CLIC5: variants seen among roughly 807,000 people sequenced by gnomAD.
CLIC5 encodes chloride intracellular channel protein 5.
In CLIC5, 20 loss-of-function variants were observed where a neutral mutation model predicts 24.7. That is an observed-to-expected ratio of 0.81 (90% confidence interval 0.57 to 1.18). CLIC5 has a LOEUF of 1.18. Among genes scored for constraint, CLIC5 ranks in the 50% most tolerant of loss-of-function variants. CLIC5 has a pLI of 0.00. For synonymous variants in CLIC5, 159 were observed against 135.6 expected (o/e 1.17, Z -1.20); for missense variants, 341 against 326.1 (o/e 1.05, Z -0.35).
At chr6:46,096,363 G>T in the CLIC5 span, among the ~76,000 whole-genome samples, 17 of 152,286 alleles carry the variant, frequency 1.1e-4, no homozygotes, top group East Asian at 1.7e-3. Context: ...ACTAGCAAAT[G>T]GATAAATAAG....
At position 45,898,998 on chromosome 6, in the gene CLIC5, T is replaced by A. The variant is rs1467958003; in HGVS notation, c.*4090A>T. Reference sequence around the variant, plus strand: ...GTTGCAAGAAAGGAATTGGATCTATTTCTTTAACGTTAAATGAAATTATGC... The same window carrying A: ...GTTGCAAGAAAGGAATTGGATCTATATCTTTAACGTTAAATGAAATTATGC... On this transcript the variant is annotated 3_prime_UTR_variant, in exon 6 of 6. Transcript: ENST00000339561. The A allele has an allele frequency of 2.0e-5, 3 of 152,200 alleles. No homozygotes were observed. Among genetic ancestry groups the A allele is most frequent in the Admixed American group, 6.5e-5 (1 of 15,274 alleles). The allele number at this position is 152,200 out of a possible 1,614,324, so 9.4% of individuals were successfully genotyped here. A position where few individuals can be genotyped will look rare whatever the true frequency, so the allele number is the denominator to read the frequency against.
At chr6:46,055,283 A>C (rs892728863) in intron 1 of CLIC5, among the ~76,000 whole-genome samples, 1 of 152,142 alleles carries the variant, frequency 6.6e-6, no homozygotes, top group Non-Finnish European at 1.5e-5. Flanking sequence ...TTCTATTTTT[A>C]GTAGAGACGG....
chr6:45,912,573 A>G, intron 5 of CLIC5: 2 of 1,427,022 alleles, frequency 1.4e-6, no homozygotes, highest in Non-Finnish European at 1.9e-6. Context: ...TCTTCTAGGC[A>G]TGAGAAAAAT....
downstream of CLIC5, among the ~76,000 whole-genome samples, chr6:45,898,160 C>T (rs948870733): frequency 1.3e-5 from 2 of 152,148 alleles, no homozygotes; most frequent in East Asian, 1.9e-4. Flanking sequence ...GCAGCCTCCA[C>T]CTCCCAGGTT....
chr6:45,975,574 G>A (rs1231273090), intron 1 of CLIC5, among the ~76,000 whole-genome samples: 2 of 152,070 alleles, frequency 1.3e-5, no homozygotes, highest in Admixed American at 6.6e-5. Context: ...GCTTGTTTCT[G>A]TCTAGGTCTC....
chr6:45,931,393 T>A (rs1013209531), intron 4 of CLIC5, among the ~76,000 whole-genome samples: 1 of 152,126 alleles, frequency 6.6e-6, no homozygotes, highest in African/African-American at 2.4e-5. Context: ...ATGTTGAACT[T>A]GATTCACTTT....
At chr6:46,081,823 G>A (rs1480204881), upstream of CLIC5, among the ~76,000 whole-genome samples, 1 of 152,142 alleles carries the variant, frequency 6.6e-6, no homozygotes, top group Non-Finnish European at 1.5e-5. Context: ...TGTGGTTTTT[G>A]AACCTCCAGC....
At chr6:45,960,210 T>G (rs1733557066) in intron 1 of CLIC5, among the ~76,000 whole-genome samples, 1 of 152,124 alleles carries the variant, frequency 6.6e-6, no homozygotes, top group African/African-American at 2.4e-5. Context: ...AGCTGATAAT[T>G]GGCCAAAAGT....
At chr6:46,022,918 C>G (rs983175516) in intron 1 of CLIC5, among the ~76,000 whole-genome samples, 1 of 152,164 alleles carries the variant, frequency 6.6e-6, no homozygotes. Flanking sequence ...TGAGTTATGG[C>G]TTTTCAACTG....
At position 45,903,038 on chromosome 6, in the gene CLIC5, G is replaced by A. The variant is rs1301708854; in HGVS notation, c.*50C>T. On this transcript the variant is annotated 3_prime_UTR_variant, in exon 6 of 6. Transcript: ENST00000339561. ...AGGAGTCTATGAAGCTGGAGTCTTAGGGGAGTGGTTGAGTCCTTCTGCAGC... is the reference window on the plus strand; with the variant it reads ...AGGAGTCTATGAAGCTGGAGTCTTAAGGGAGTGGTTGAGTCCTTCTGCAGC... 6.2e-7 allele frequency: 1 copy of A among 1,604,126 alleles called. No individual in the cohort carries two copies. The highest frequency in any genetic ancestry group is 8.5e-7 in the Non-Finnish European group (1 of 1,172,448).
At chr6:46,081,105 A>C (rs1562042698), upstream of CLIC5, among the ~76,000 whole-genome samples, 1 of 152,244 alleles carries the variant, frequency 6.6e-6, no homozygotes, top group Non-Finnish European at 1.5e-5. Context: ...AGAGAAAAAT[A>C]AAACCGAGGA....
intron 5 of CLIC5, among the ~76,000 whole-genome samples, chr6:45,910,967 A>G: frequency 6.6e-6 from 1 of 152,174 alleles, no homozygotes; most frequent in Non-Finnish European, 1.5e-5. Flanking sequence ...GGACCACTTC[A>G]TCATACCCAC....
intron 1 of CLIC5, among the ~76,000 whole-genome samples, chr6:46,028,360 T>C (rs186510456): frequency 4.4e-4 from 67 of 152,272 alleles, no homozygotes; most frequent in Non-Finnish European, 8.7e-4. Flanking sequence ...AAGTCCCAGG[T>C]GGTTGGAGTC....
At chr6:45,973,763 C>T (rs1400707687) in intron 1 of CLIC5, among the ~76,000 whole-genome samples, 1 of 151,940 alleles carries the variant, frequency 6.6e-6, no homozygotes, top group African/African-American at 2.4e-5. Flanking sequence ...ATGGTTAAAC[C>T]CCATCTCTAC....
chr6:45,961,512 G>A (rs188981276), intron 1 of CLIC5, among the ~76,000 whole-genome samples: 170 of 152,320 alleles, frequency 1.1e-3, no homozygotes, highest in African/African-American at 3.9e-3. Flanking sequence ...AGTGGCAAAG[G>A]CCACATGAAA....
intron 6 of CLIC5, among the ~76,000 whole-genome samples, chr6:45,888,136 T>C (rs745531915): frequency 6.6e-6 from 1 of 152,222 alleles, no homozygotes; most frequent in Non-Finnish European, 1.5e-5. Context: ...CTTCACAGCC[T>C]GCCCCTTCCC....
At chr6:45,917,790 C>G (rs115596181) in intron 4 of CLIC5, among the ~76,000 whole-genome samples, 1,808 of 152,314 alleles carry the variant, frequency 0.012, 44 homozygotes, top group African/African-American at 0.041. Context: ...TGATGGTACA[C>G]AGGTCATGAA....
chr6:45,967,855 A>G (rs1412773404), intron 1 of CLIC5, among the ~76,000 whole-genome samples: 2 of 152,182 alleles, frequency 1.3e-5, no homozygotes, highest in African/African-American at 2.4e-5. Flanking sequence ...TATCAGAGCG[A>G]GAACTCACTC....
intron 1 of CLIC5, among the ~76,000 whole-genome samples, chr6:45,957,075 T>C (rs1764669681): frequency 6.6e-6 from 1 of 152,056 alleles, no homozygotes; most frequent in African/African-American, 2.4e-5. Flanking sequence ...GGGCCAGTTA[T>C]GGTGGAAGTA....
Sources: gnomAD v4.1 joint callset for allele counts (sites outside exome capture counted in the v4.1 genomes callset) on GRCh38, gnomAD v4.1.1 for gene constraint, MANE v1.5 for transcripts, NCBI Gene and HGNC (gene_info 2026-07-23, HGNC 2026-07-21) for gene names.